CREBBP: variants seen among roughly 807,000 people sequenced by gnomAD.
CREBBP encodes the protein CREB-binding protein.
CREBBP carries 19 observed loss-of-function variants against 265.0 expected under a neutral mutation model. The ratio of observed to expected loss-of-function variants is 0.07; its 90% CI spans 0.05 to 0.11. The LOEUF is 0.11. Among genes scored for constraint, CREBBP ranks in the 10% least tolerant of loss-of-function variants. The pLI, the probability that CREBBP is intolerant of heterozygous loss-of-function variation, is 1.00. For synonymous variants in CREBBP, 1,457 were observed against 1,223.7 expected (o/e 1.19, Z -3.98); for missense variants, 2,525 against 3,219.0 (o/e 0.78, Z 5.22).
At chr16:3,738,854 T>A (rs1455245196) in intron 25 of CREBBP, among the ~76,000 whole-genome samples, 182 bp from the exon 26 acceptor site, 4 of 152,182 alleles carry the variant, frequency 2.6e-5, no homozygotes, top group Non-Finnish European at 5.9e-5. Flanking sequence ...CAAGCAATCC[T>A]CCTGCCTCAG....
rs746656673 is a variant in CREBBP, at chr16:3,794,331, C to CAAAAAAAA, written c.976-713_976-706dup. ...TGGGCGACAGATCGAGACTCCGTCT[C>CAAAAAAAA]AAAAAAAAAAAAAAAAAAAAAAAAA... On this transcript the variant is annotated intron_variant, in intron 3 of 30. Coordinates refer to ENST00000262367, the MANE Select transcript of CREBBP (RefSeq NM_004380.3). Among the ~76,000 whole-genome samples, 53 of 39,620 alleles carry CAAAAAAAA rather than the reference C, an allele frequency of 1.3e-3. 3 individuals are homozygous for CAAAAAAAA. Among genetic ancestry groups the CAAAAAAAA allele is most frequent in the South Asian group, 2.0e-3 (1 of 488 alleles). 26.0% of individuals were successfully genotyped at this position (39,620 alleles called of 152,430 possible).
intron 1 of CREBBP, among the ~76,000 whole-genome samples, chr16:3,868,066 G>C (rs1053913981): frequency 6.6e-6 from 1 of 152,150 alleles, no homozygotes; most frequent in South Asian, 2.1e-4. Flanking sequence ...AGGGCAAAAA[G>C]AGTAAGAAGA....
intron 2 of CREBBP, among the ~76,000 whole-genome samples, chr16:3,842,281 T>C (rs1290335994): frequency 6.6e-6 from 1 of 152,184 alleles, no homozygotes; most frequent in East Asian, 1.9e-4. Flanking sequence ...GACCCGAAAT[T>C]ACACCTTCCT....
chr16:3,755,040 G>A (rs1028925659), intron 19 of CREBBP, among the ~76,000 whole-genome samples: 5 of 152,158 alleles, frequency 3.3e-5, no homozygotes, highest in Non-Finnish European at 4.4e-5. Flanking sequence ...GGAACGCTAC[G>A]CCTACGCTTT....
At chr16:3,784,468 C>T (rs980185876) in intron 5 of CREBBP, 1 of 152,196 alleles carries the variant, frequency 6.6e-6, no homozygotes, top group Non-Finnish European at 1.5e-5. Context: ...TATTCTAATA[C>T]TTACTACTCC....
At chr16:3,874,363 T>C (rs1444413295) in intron 1 of CREBBP, among the ~76,000 whole-genome samples, 1 of 152,204 alleles carries the variant, frequency 6.6e-6, no homozygotes, top group African/African-American at 2.4e-5. Context: ...AAGCTGTCTG[T>C]GCAGCCGTGG....
At chr16:3,799,025 T>C (rs1164425378) in intron 3 of CREBBP, among the ~76,000 whole-genome samples, 1 of 152,166 alleles carries the variant, frequency 6.6e-6, no homozygotes, top group East Asian at 1.9e-4. Context: ...CCACACATAC[T>C]ACAACATGAA....
At chr16:3,820,392 T>C (rs539234319) in intron 2 of CREBBP, among the ~76,000 whole-genome samples, 91 of 152,122 alleles carry the variant, frequency 6.0e-4, no homozygotes, top group African/African-American at 2.0e-3. Context: ...GGCAGGAGAG[T>C]TGGGCTAAAG....
At chr16:3,844,721 C>T (rs182881048) in intron 2 of CREBBP, among the ~76,000 whole-genome samples, 87 of 152,170 alleles carry the variant, frequency 5.7e-4, no homozygotes, top group Non-Finnish European at 7.8e-4. Flanking sequence ...CTCCTGAAAA[C>T]GTATTAGAAT....
At chr16:3,814,197 T>G (rs370833676) in intron 2 of CREBBP, among the ~76,000 whole-genome samples, 446 of 110,096 alleles carry the variant, frequency 4.1e-3, no homozygotes, top group Non-Finnish European at 4.0e-3. Flanking sequence ...GTGTGTGTGT[T>G]TGAGACAGAG....
chr16:3,865,255 A>C (rs922165424), intron 1 of CREBBP, among the ~76,000 whole-genome samples: 1 of 152,230 alleles, frequency 6.6e-6, no homozygotes, highest in African/African-American at 2.4e-5. Context: ...GCCTGTCCGC[A>C]TAACTTTACA....
intron 19 of CREBBP, among the ~76,000 whole-genome samples, chr16:3,753,198 T>C (rs751055291): frequency 2.2e-4 from 34 of 152,328 alleles, no homozygotes; most frequent in Admixed American, 4.6e-4. Context: ...ACTTGCGCAC[T>C]CACACGGCTA....
intron 16 of CREBBP, 169 bp downstream of exon 16, chr16:3,767,551 C>T (rs2052884628): frequency 1.2e-6 from 1 of 865,446 alleles, no homozygotes; most frequent in South Asian, 1.7e-5. Flanking sequence ...GGGCAGGGGT[C>T]CTGCTCAGCC....
At position 3,860,878 on chromosome 16, in the gene CREBBP, G is replaced by A. The variant is rs183392074; in HGVS notation, c.86-9869C>T. ...TAATTAGACACTACGGACACAGGAA[G>A]TGCAGTCTGGTGTAGTGAGAAGAGT... On this transcript the variant is annotated intron_variant, in intron 1 of 30. Coordinates refer to ENST00000262367, the MANE Select transcript of CREBBP (RefSeq NM_004380.3). Among the ~76,000 whole-genome samples, 61 of 152,220 alleles carry A rather than the reference G, an allele frequency of 4.0e-4. 1 individual carries two copies. The Middle Eastern group carries it at 0.034, about 85-fold the overall frequency.
At chr16:3,839,710 A>AAGGGG (rs1184372916) in intron 2 of CREBBP, among the ~76,000 whole-genome samples, 5 of 88,766 alleles carry the variant, frequency 5.6e-5, no homozygotes, top group African/African-American at 1.8e-4. Flanking sequence ...GAAGGAAGGG[A>AAGGGG]AGGGGAGGGG....
At chr16:3,868,912 A>G (rs1486663790) in intron 1 of CREBBP, among the ~76,000 whole-genome samples, 1 of 152,204 alleles carries the variant, frequency 6.6e-6, no homozygotes, top group African/African-American at 2.4e-5. Context: ...AAGTGGTAGG[A>G]GTCAAGACTG....
chr16:3,826,285 T>C (rs920678284), intron 2 of CREBBP, among the ~76,000 whole-genome samples: 12 of 152,178 alleles, frequency 7.9e-5, no homozygotes, highest in African/African-American at 2.7e-4. Context: ...ATTGATTTCA[T>C]TTAGTAAAAA....
chr16:3,832,396 T>C (rs2054360477), intron 2 of CREBBP, among the ~76,000 whole-genome samples: 1 of 152,190 alleles, frequency 6.6e-6, no homozygotes, highest in South Asian at 2.1e-4. Context: ...TATAGACCCA[T>C]ATCACTCATG....
chr16:3,868,757 C>G (rs1222364664), intron 1 of CREBBP, among the ~76,000 whole-genome samples: 1 of 152,166 alleles, frequency 6.6e-6, no homozygotes, highest in African/African-American at 2.4e-5. Flanking sequence ...CCACGGTGGG[C>G]ACCACGGGAC....
Sources: allele counts gnomAD v4.1 joint callset (sites outside exome capture counted in the v4.1 genomes callset), GRCh38; gene constraint gnomAD v4.1.1; transcripts MANE v1.5; gene names NCBI Gene and HGNC (gene_info 2026-07-23, HGNC 2026-07-21).